Variants in VWDE observed in about 807,000 individuals in gnomAD.
VWDE encodes von Willebrand factor D and EGF domains.
A neutral mutation model predicts 178.4 loss-of-function variants in VWDE; 207 were observed. The observed-to-expected ratio is 1.16, with a 90% CI of 1.04 to 1.30. VWDE has a LOEUF of 1.30. Among genes scored for constraint, VWDE ranks in the 50% most tolerant of loss-of-function variants. The pLI, the probability that VWDE is intolerant of heterozygous loss-of-function variation, is 0.00. For missense variants in VWDE, 2,287 were observed against 1,901.3 expected (o/e 1.20, Z -3.77); for synonymous variants, 738 against 651.4 (o/e 1.13, Z -2.02).
intron 4 of VWDE, among the ~76,000 whole-genome samples, chr7:12,383,057 A>G (rs1006781280): frequency 1.3e-5 from 2 of 151,844 alleles, no homozygotes; most frequent in Non-Finnish European, 2.9e-5. Flanking sequence ...ATGTACTTCT[A>G]TACTTTAATG....
chr7:12,380,929 C>A (rs1383084775), intron 4 of VWDE, among the ~76,000 whole-genome samples, 196 bp from the exon 5 acceptor site: 1 of 152,018 alleles, frequency 6.6e-6, no homozygotes, highest in African/African-American at 2.4e-5. Context: ...ATATTGATAG[C>A]CAAGCAACGT....
intron 10 of VWDE, among the ~76,000 whole-genome samples, chr7:12,372,289 T>C (rs1029129592): frequency 1.3e-5 from 2 of 152,194 alleles, no homozygotes; most frequent in African/African-American, 4.8e-5. Context: ...AATTTTTGAT[T>C]TGCATTTTGG....
At position 12,337,238 on chromosome 7, in the gene VWDE, G is replaced by A; in HGVS notation, c.4401C>T (p.His1467=). ...AGACGCACACATTATTTCTCATGCA[G>A]TGGCCACCATTCTTACAGGGAGGGT... is the stretch of plus-strand genomic sequence containing the variant. ...FCHPPCKNGG[H]CMRNNVCVCR... is the part of the protein sequence containing the mutation. Residue 1467 remains histidine, a synonymous_variant, in exon 25 of 29, where the codon CAC becomes CAT. Coordinates refer to ENST00000275358, the MANE Select transcript of VWDE (RefSeq NM_001135924.3). 1 of 1,551,912 alleles carries A rather than the reference G, an allele frequency of 6.4e-7. No homozygotes were observed. The highest frequency in any genetic ancestry group is 8.7e-7 in the Non-Finnish European group (1 of 1,147,006).
chr7:12,347,615 TATG>T (rs548010137), intron 19 of VWDE, among the ~76,000 whole-genome samples: 416 of 152,192 alleles, frequency 2.7e-3, no homozygotes, highest in Non-Finnish European at 4.3e-3. Context: ...AAATAAAATA[TATG>T]ATATTTAATC....
chr7:12,353,485 A>C (rs1782057948), intron 18 of VWDE, among the ~76,000 whole-genome samples: 1 of 152,202 alleles, frequency 6.6e-6, no homozygotes, highest in South Asian at 2.1e-4. Context: ...CACTAAAATC[A>C]AACACTTAAA....
rs934079667 is a variant in VWDE, at chr7:12,357,331, T to G, written c.3459A>C (p.Leu1153=). The G allele has an allele frequency of 3.9e-6, 6 of 1,552,086 alleles. No individual in the cohort carries two copies. The highest frequency in any genetic ancestry group is 2.7e-5 in the African/African-American group (2 of 73,056). The change falls in exon 17 of 29, where the codon CTA becomes CTC. Residue 1153 remains leucine, a synonymous_variant. Coordinates refer to ENST00000275358, the MANE Select transcript of VWDE (RefSeq NM_001135924.3). ...GGCGTACAGTAATTTGTTGGGTAGT[T>G]AGTAAATCTGTTTTCCACATAAAAA... ...AGLFMWKTDL[L]TTQQITVRLN...
chr7:12,384,414 T>A (rs1465229437), intron 3 of VWDE, among the ~76,000 whole-genome samples: 2 of 152,078 alleles, frequency 1.3e-5, no homozygotes, highest in Non-Finnish European at 1.5e-5. Flanking sequence ...TATGTTCCTA[T>A]CATAGTGGAT....
At chr7:12,393,565 A>G (rs1393574202) in intron 2 of VWDE, 29 bp downstream of exon 2, 5 of 1,454,358 alleles carry the variant, frequency 3.4e-6, no homozygotes. Context: ...TAAGGAAAAT[A>G]ACATGCAGTA....
intron 19 of VWDE, among the ~76,000 whole-genome samples, chr7:12,344,753 T>A (rs761800522): frequency 3.3e-5 from 5 of 152,180 alleles, no homozygotes; most frequent in Non-Finnish European, 7.4e-5. Context: ...GAGAAAACAA[T>A]GTTAATAATT....
chr7:12,367,017 G>A (rs895072556), intron 13 of VWDE, among the ~76,000 whole-genome samples: 2 of 152,002 alleles, frequency 1.3e-5, no homozygotes, highest in Non-Finnish European at 2.9e-5. Context: ...TTCATATCCA[G>A]TTGATGCAAG....
chr7:12,374,826 T>C, intron 8 of VWDE, 64 bp from the exon 9 acceptor site: 1 of 1,198,078 alleles, frequency 8.3e-7, no homozygotes, highest in Non-Finnish European at 1.2e-6. Context: ...ATATAAAAAA[T>C]TGCTTAGCAA....
intron 9 of VWDE, among the ~76,000 whole-genome samples, chr7:12,374,230 A>G (rs1363140886): frequency 6.6e-6 from 1 of 152,120 alleles, no homozygotes; most frequent in Admixed American, 6.6e-5. Context: ...GCAAATATCC[A>G]GGTATCCATA....
At chr7:12,338,453 G>C (rs1190948455) in intron 24 of VWDE, among the ~76,000 whole-genome samples, 2 of 151,876 alleles carry the variant, frequency 1.3e-5, no homozygotes, top group African/African-American at 4.8e-5. Context: ...CCTGTGGTTA[G>C]GAATTTGAAA....
chr7:12,378,958 C>A (rs1193773702), intron 6 of VWDE, among the ~76,000 whole-genome samples: 1 of 152,096 alleles, frequency 6.6e-6, no homozygotes, highest in Non-Finnish European at 1.5e-5. Flanking sequence ...CCACTTCTTC[C>A]ACTGCTTATT....
chr7:12,399,895 G>A (rs1020299622), intron 1 of VWDE, among the ~76,000 whole-genome samples: 3 of 151,906 alleles, frequency 2.0e-5, no homozygotes, highest in Non-Finnish European at 4.4e-5. Context: ...GATTACAATG[G>A]AATGAAATTA....
intron 19 of VWDE, among the ~76,000 whole-genome samples, chr7:12,351,262 G>C (rs148787437): frequency 2.0e-5 from 3 of 152,148 alleles, no homozygotes; most frequent in African/African-American, 7.2e-5. Context: ...GGTTTGAGCA[G>C]ATACTGGATG....
chr7:12,344,269 T>C lies in VWDE; in HGVS notation c.4004A>G (p.Lys1335Arg), dbSNP rs1263941602. The C allele has an allele frequency of 4.5e-6, 7 of 1,551,214 alleles. No individual in the cohort carries two copies. Among genetic ancestry groups the C allele is most frequent in the Non-Finnish European group, 6.1e-6 (7 of 1,146,642 alleles). ...CQTALCDPDC[K>R]NHGKCIKPNI... is the part of the protein sequence containing the mutation. ...AGGCTTAATACATTTTCCATGGTTT[T>C]TGCAATCAGGGTCACAAAGAGCTGT... is the stretch of plus-strand genomic sequence containing the variant. The change falls in exon 21 of 29, where the codon AAA (lysine) becomes AGA (arginine). Residue 1335 changes from lysine (K) to arginine (R), a missense_variant. Transcript: ENST00000275358.
Position 12,375,490 on chromosome 7 carries a change from G to A in VWDE, c.1025-263C>T, listed in dbSNP as rs1230696390. Among the ~76,000 whole-genome samples the A allele has an allele frequency of 2.0e-5, 3 of 151,804 alleles. No individual in the cohort carries two copies. The East Asian group carries it at 5.8e-4, about 29-fold the overall frequency. On this transcript the variant is annotated intron_variant, in intron 7 of 28. Transcript: ENST00000275358. ...CAATTTTCAATTAGGTTATAAACCT[G>A]TATGCAACTGAAGGAAATTCAAAAA...
intron 3 of VWDE, among the ~76,000 whole-genome samples, chr7:12,383,992 A>T (rs1401102084): frequency 2.0e-5 from 3 of 152,132 alleles, no homozygotes; most frequent in Non-Finnish European, 4.4e-5. Context: ...CATAGAAATC[A>T]TGCTCCTCTA....
Sources: gnomAD v4.1 joint callset for allele counts (sites outside exome capture counted in the v4.1 genomes callset) on GRCh38, gnomAD v4.1.1 for gene constraint, MANE v1.5 for transcripts, NCBI Gene and HGNC (gene_info 2026-07-23, HGNC 2026-07-21) for gene names.